WDR35: variants seen among roughly 807,000 people sequenced by gnomAD.
WDR35 encodes WD repeat domain 35, also known as WD repeat-containing protein 35.
A neutral mutation model predicts 158.3 loss-of-function variants in WDR35; 118 were observed. That is an observed-to-expected ratio of 0.75 (90% CI 0.64 to 0.87). The LOEUF (loss-of-function observed/expected upper bound fraction) is 0.87. WDR35 is among the 40% of genes least tolerant of loss of function. WDR35 has a pLI of 0.00. For synonymous variants in WDR35, 448 were observed against 476.1 expected (o/e 0.94, Z 0.77); for missense variants, 1,263 against 1,405.8 (o/e 0.90, Z 1.62).
intron 25 of WDR35, among the ~76,000 whole-genome samples, chr2:19,917,861 G>A (rs542817478): frequency 6.6e-6 from 1 of 152,086 alleles, no homozygotes; most frequent in Non-Finnish European, 1.5e-5. Flanking sequence ...TAGCAAGGCA[G>A]GCCAACATTC....
At chr2:19,954,037 T>C in intron 11 of WDR35, 59 bp from the exon 12 acceptor site, 4 of 1,602,732 alleles carry the variant, frequency 2.5e-6, no homozygotes, top group Admixed American at 1.7e-5. Flanking sequence ...ATGCTTGTGC[T>C]GCAAAGGCCT....
At chr2:19,953,687 T>A in intron 12 of WDR35, 147 bp downstream of exon 12, 2 of 1,075,116 alleles carry the variant, frequency 1.9e-6, no homozygotes, top group South Asian at 1.5e-5. Context: ...TTTAAACACA[T>A]AAATTTTAAA....
At position 19,953,888 on chromosome 2, in the gene WDR35, A is replaced by G; in HGVS notation, c.1346T>C (p.Leu449Pro). Residue 449 changes from leucine (L) to proline (P), a missense_variant, in exon 12 of 27, where the codon CTC (leucine) becomes CCC (proline). Coordinates refer to ENST00000281405, the MANE Select transcript of WDR35 (RefSeq NM_020779.4). ...YTWQYRVAKK[L>P]TALEINQITR... is the part of the protein sequence containing the mutation. ...GATCTGATTAATTTCCAATGCTGTG[A>G]GCTTCTTTGCCACACGATATTGCCA... 2 of 1,614,092 alleles carry G rather than the reference A, an allele frequency of 1.2e-6. No homozygotes were observed. The highest frequency in any genetic ancestry group is 1.7e-5 in the Admixed American group (1 of 60,020).
At chr2:19,985,253 T>C (rs1197692246) in intron 2 of WDR35, among the ~76,000 whole-genome samples, 1 of 148,514 alleles carries the variant, frequency 6.7e-6, no homozygotes, top group Non-Finnish European at 1.5e-5. Flanking sequence ...AAGCAAGAAA[T>C]GCCACCTCAA....
At chr2:19,942,659 G>A (rs1179741057) in intron 16 of WDR35, among the ~76,000 whole-genome samples, 3 of 151,592 alleles carry the variant, frequency 2.0e-5, no homozygotes, top group Non-Finnish European at 4.4e-5. Flanking sequence ...AAGGGAGAAA[G>A]ATGGAAAGAG....
chr2:19,960,957 A>T (rs1006976484), intron 10 of WDR35, among the ~76,000 whole-genome samples: 1 of 152,238 alleles, frequency 6.6e-6, no homozygotes, highest in Non-Finnish European at 1.5e-5. Flanking sequence ...GGAAAAAATA[A>T]GCATGGATTT....
intron 25 of WDR35, among the ~76,000 whole-genome samples, chr2:19,921,892 C>T (rs1479408457): frequency 1.3e-5 from 2 of 152,148 alleles, no homozygotes; most frequent in Non-Finnish European, 2.9e-5. Context: ...CAAATAACTC[C>T]ATCAAAAAGT....
chr2:19,962,700 C>A (rs1254263711), intron 10 of WDR35, among the ~76,000 whole-genome samples: 1 of 151,840 alleles, frequency 6.6e-6, no homozygotes, highest in Non-Finnish European at 1.5e-5. Flanking sequence ...CCATAGATAA[C>A]ATACGTCTAC....
At chr2:19,933,302 C>A in intron 22 of WDR35, 99 bp downstream of exon 22, 1 of 959,096 alleles carries the variant, frequency 1.0e-6, no homozygotes, top group Non-Finnish European at 1.6e-6. Context: ...CTTACATTGG[C>A]AATAATCTTT....
At chr2:19,962,939 C>G (rs1671710426) in intron 10 of WDR35, among the ~76,000 whole-genome samples, 2 of 152,124 alleles carry the variant, frequency 1.3e-5, no homozygotes, top group African/African-American at 4.8e-5. Flanking sequence ...ATCCACAAGG[C>G]TTCTTACTAA....
chr2:19,931,354 T>C lies in WDR35; in HGVS notation c.2879A>G (p.Tyr960Cys), dbSNP rs397515535. Residue 960 changes from tyrosine (Y) to cysteine (C), a missense_variant, in exon 24 of 27, where the codon TAT becomes TGT. By Grantham distance (194) the Tyr-to-Cys change is radical. Transcript: ENST00000281405. Reference sequence around the variant, plus strand: ...CTCTATAAGTAAGGCTGACAGTACATAGAGCTTCTTGACACGTAAAGGTTT... The same window carrying C: ...CTCTATAAGTAAGGCTGACAGTACACAGAGCTTCTTGACACGTAAAGGTTT... ...GSKPLRVKKL[Y>C]VLSALLIEQY... 1.9e-6 allele frequency: 3 copies of C among 1,613,540 alleles called. No individual in the cohort carries two copies. Among genetic ancestry groups the C allele is most frequent in the African/African-American group, 1.3e-5 (1 of 75,030 alleles).
chr2:19,942,138 A>G (rs546471481), intron 16 of WDR35, among the ~76,000 whole-genome samples: 2 of 152,336 alleles, frequency 1.3e-5, no homozygotes, highest in Non-Finnish European at 2.9e-5. Context: ...CCACATTACT[A>G]TGATCACACC....
chr2:19,923,768 A>C (rs1670260911), intron 25 of WDR35, among the ~76,000 whole-genome samples: 1 of 152,018 alleles, frequency 6.6e-6, no homozygotes, highest in African/African-American at 2.4e-5. Flanking sequence ...GTTAGAATAC[A>C]CCCCCCAGAA....
chr2:19,968,245 G>C lies in WDR35; in HGVS notation c.1008+1235C>G, dbSNP rs116508426. 2.0e-3 allele frequency among the ~76,000 whole-genome samples: 303 copies of C among 152,204 alleles called. 1 individual carries two copies. Among genetic ancestry groups the C allele is most frequent in the African/African-American group, 7.2e-3 (300 of 41,510 alleles). ...TAATGATGTTAACCTTTATCACTTGGCCAAGGTGTGATTGACAAGTTTCAC... is the reference window on the plus strand; with the variant it reads ...TAATGATGTTAACCTTTATCACTTGCCCAAGGTGTGATTGACAAGTTTCAC... On this transcript the variant is annotated intron_variant, in intron 9 of 26. Coordinates refer to ENST00000281405, the MANE Select transcript of WDR35 (RefSeq NM_020779.4).
At position 19,912,029 on chromosome 2, in the gene WDR35, TC is replaced by T. The variant is rs1244823775; in HGVS notation, c.*1528del. The T allele has an allele frequency of 6.6e-6, 1 of 152,198 alleles. No homozygotes were observed. The highest frequency in any genetic ancestry group is 1.5e-5 in the Non-Finnish European group (1 of 68,046). 9.4% of individuals were successfully genotyped at this position (152,198 alleles called of 1,614,324 possible). On this transcript the variant is annotated 3_prime_UTR_variant, in exon 27 of 27. Transcript: ENST00000281405. Reference sequence around the variant, plus strand: ...CATCTGGCTCAAGCGGCCACTCTGGTCCTTTTTGTAACCCGACTATTAGGGG... The same window carrying T: ...CATCTGGCTCAAGCGGCCACTCTGGTCTTTTTGTAACCCGACTATTAGGGG...
chr2:19,962,380 CA>C, intron 10 of WDR35: 1 of 1,580,966 alleles, frequency 6.3e-7, no homozygotes. Flanking sequence ...TCAGTTAACT[CA>C]AAAAAGACAT....
In WDR35 at chr2:19,989,235, C is replaced by T. The variant is rs775766125; in HGVS notation, c.72G>A (p.Lys24=). The T allele has an allele frequency of 1.4e-5, 23 of 1,614,080 alleles. No homozygotes were observed. The highest frequency in any genetic ancestry group is 1.9e-5 in the Non-Finnish European group (22 of 1,180,050). Residue 24 remains lysine (K), a synonymous_variant, in exon 2 of 27, where the codon AAG becomes AAA. Coordinates refer to ENST00000281405, the MANE Select transcript of WDR35 (RefSeq NM_020779.4). ...NVKLQCVSWN[K]EQGFIACGGE... ...CACCGCATGCTATGAACCCTTGTTC[C>T]TTGTTCCAGGATACACACTGCAGCT... is the stretch of plus-strand genomic sequence containing the variant.
chr2:19,938,461 T>C, intron 17 of WDR35, 60 bp from the exon 18 acceptor site: 11 of 1,578,500 alleles, frequency 7.0e-6, no homozygotes, highest in Non-Finnish European at 9.5e-6. Flanking sequence ...ATGTGTTTCT[T>C]TTTTATATTA....
intron 16 of WDR35, among the ~76,000 whole-genome samples, chr2:19,943,118 T>C (rs1670930438): frequency 6.6e-6 from 1 of 152,120 alleles, no homozygotes. Flanking sequence ...TCTCACAAAC[T>C]GGACAAATGG....
Sources: allele counts gnomAD v4.1 joint callset (sites outside exome capture counted in the v4.1 genomes callset), GRCh38; gene constraint gnomAD v4.1.1; transcripts MANE v1.5; gene names NCBI Gene and HGNC (gene_info 2026-07-23, HGNC 2026-07-21).